RAD54L2: variants seen among roughly 807,000 people sequenced by gnomAD.
RAD54L2 encodes RAD54 like 2, also known as helicase ARIP4.
Under a neutral mutation model 138.4 loss-of-function variants are expected in RAD54L2, and 27 were observed. The ratio of observed to expected loss-of-function variants is 0.20; its 90% confidence interval spans 0.14 to 0.27. The LOEUF (loss-of-function observed/expected upper bound fraction) is 0.27, where lower values mean the gene tolerates loss of function less well. Among genes scored for constraint, RAD54L2 ranks in the 10% least tolerant of loss-of-function variants. RAD54L2 has a pLI of 1.00. For synonymous variants in RAD54L2, 644 were observed against 723.2 expected, an observed-to-expected ratio of 0.89 and a Z score of 1.76; for missense variants, 1,396 against 1,890.2, an observed-to-expected ratio of 0.74 and a Z score of 4.85.
chr3:51,572,500 C>T (rs1272683895), intron 2 of RAD54L2, among the ~76,000 whole-genome samples: 1 of 150,548 alleles, frequency 6.6e-6, no homozygotes, highest in Non-Finnish European at 1.5e-5. Flanking sequence ...CGCCTGTAAT[C>T]CCAGCTACTT....
chr3:51,634,091 T>C, intron 9 of RAD54L2, 56 bp downstream of exon 9: 1 of 1,579,566 alleles, frequency 6.3e-7, no homozygotes, highest in East Asian at 2.2e-5. Context: ...CTGTCCGTGA[T>C]CTGATGTTAA....
At chr3:51,597,145 A>G (rs2106725772) in intron 3 of RAD54L2, among the ~76,000 whole-genome samples, 1 of 148,798 alleles carries the variant, frequency 6.7e-6, no homozygotes, top group South Asian at 2.2e-4. Context: ...AGCCTGGGGG[A>G]CAAGAGCAAG....
chr3:51,567,941 CAAAAAAAAAAA>C (rs763939768), intron 2 of RAD54L2, among the ~76,000 whole-genome samples: 1 of 81,684 alleles, frequency 1.2e-5, no homozygotes, highest in Non-Finnish European at 2.6e-5. Context: ...GACCCTGTCT[CAAAAAAAAAAA>C]AAAAAAAAAG....
chr3:51,573,281 C>T (rs1019872918), intron 2 of RAD54L2, among the ~76,000 whole-genome samples: 2 of 152,054 alleles, frequency 1.3e-5, no homozygotes, highest in Non-Finnish European at 2.9e-5. Flanking sequence ...GTTCTAGTTC[C>T]TGCTGTGCTC....
chr3:51,566,472 T>G (rs1228088319), intron 2 of RAD54L2, among the ~76,000 whole-genome samples: 1 of 127,670 alleles, frequency 7.8e-6, no homozygotes, highest in Non-Finnish European at 1.7e-5. Context: ...CTGCGTTTTT[T>G]TTTTTTTTTT....
At chr3:51,551,486 A>G (rs1698836243) in intron 2 of RAD54L2, among the ~76,000 whole-genome samples, 1 of 151,056 alleles carries the variant, frequency 6.6e-6, no homozygotes, top group Non-Finnish European at 1.5e-5. Context: ...TCCAGGCTAT[A>G]GTGCAGTGGC....
Position 51,638,542 on chromosome 3 carries a change from C to T in RAD54L2, c.1860+221C>T, listed in dbSNP as rs529018603. 6.1e-6 allele frequency: 3 copies of T among 493,426 alleles called. No individual in the cohort carries two copies. Among genetic ancestry groups the T allele is most frequent in the African/African-American group, 3.8e-5 (2 of 52,516 alleles). The allele number at this position is 493,426 out of a possible 1,614,324, so 30.6% of individuals were successfully genotyped here. A position where few individuals can be genotyped will look rare whatever the true frequency, so the allele number is the denominator to read the frequency against. ...TTCACACAGTGTAATATAACTGATG[C>T]CCCCTGCAGTGTGCAACTCAGCTGC... On this transcript the variant is annotated intron_variant, in intron 12 of 22. Coordinates refer to ENST00000684192, the MANE Select transcript of RAD54L2 (RefSeq NM_015106.4). This position sits in a 1 kb window ranked among gnomAD's most constrained non-coding sequence, Gnocchi z 4.3.
intron 2 of RAD54L2, among the ~76,000 whole-genome samples, chr3:51,565,828 A>C (rs879266550): frequency 0.082 from 7,455 of 91,212 alleles, no homozygotes; most frequent in Non-Finnish European, 0.091. Flanking sequence ...GAGCTCCCCC[A>C]CCCCCCCCTT....
intron 2 of RAD54L2, among the ~76,000 whole-genome samples, chr3:51,587,591 G>GT (rs1436922248): frequency 2.6e-5 from 4 of 152,052 alleles, no homozygotes; most frequent in Non-Finnish European, 4.4e-5. Context: ...TTTCACAGCT[G>GT]TTTTTTACTT....
chr3:51,585,398 T>C (rs1699688515), intron 2 of RAD54L2, among the ~76,000 whole-genome samples: 1 of 152,154 alleles, frequency 6.6e-6, no homozygotes, highest in Non-Finnish European at 1.5e-5. Flanking sequence ...GCAGCGTGTG[T>C]GCTCGGAGTC....
At chr3:51,627,789 G>C (rs925406183) in intron 4 of RAD54L2, 35 bp downstream of exon 4, 1 of 1,606,344 alleles carries the variant, frequency 6.2e-7, no homozygotes, top group Non-Finnish European at 8.5e-7. Context: ...AGAGGGAAAG[G>C]AATAGAGATT....
chr3:51,648,995 C>G (rs1444427514), intron 19 of RAD54L2, among the ~76,000 whole-genome samples: 1 of 152,054 alleles, frequency 6.6e-6, no homozygotes, highest in East Asian at 1.9e-4. Flanking sequence ...TCAGTGGTAA[C>G]AAACTTCTCC....
chr3:51,614,468 G>A (rs1477448956), intron 3 of RAD54L2, among the ~76,000 whole-genome samples: 1 of 151,906 alleles, frequency 6.6e-6, no homozygotes, highest in Non-Finnish European at 1.5e-5. Context: ...ACCTGGCTTA[G>A]GTTGTTTCTT....
In RAD54L2 at chr3:51,601,077, GAGATAC is replaced by G. The variant is rs1168044346; in HGVS notation, c.139+10524_139+10529del. 8.5e-5 allele frequency among the ~76,000 whole-genome samples: 13 copies of G among 152,292 alleles called. No individual in the cohort carries two copies. The East Asian group carries it at 2.5e-3, about 29-fold the overall frequency. On this transcript the variant is annotated intron_variant, in intron 3 of 22. Coordinates refer to ENST00000684192, the MANE Select transcript of RAD54L2 (RefSeq NM_015106.4). ...ACAAGGTTCTCACTGTGGGGCAGAGGAGATACAGATATGGAATAGAAGAACTGAAAT... is the reference window on the plus strand; with the variant it reads ...ACAAGGTTCTCACTGTGGGGCAGAGGAGATATGGAATAGAAGAACTGAAAT...
chr3:51,649,885 C>G (rs1035400170), intron 19 of RAD54L2, among the ~76,000 whole-genome samples: 1 of 152,142 alleles, frequency 6.6e-6, no homozygotes, highest in African/African-American at 2.4e-5. Context: ...AACTAACGAG[C>G]AAAATAACCA....
chr3:51,588,930 C>G (rs1428152908), intron 2 of RAD54L2, among the ~76,000 whole-genome samples: 5 of 152,134 alleles, frequency 3.3e-5, no homozygotes, highest in Non-Finnish European at 7.3e-5. Context: ...TTTACGGCTT[C>G]CTTCCTTCCT....
chr3:51,640,685 G>A (rs1193351564), intron 14 of RAD54L2, among the ~76,000 whole-genome samples: 1 of 152,218 alleles, frequency 6.6e-6, no homozygotes, highest in Admixed American at 6.5e-5. Context: ...AGAGCCTAGT[G>A]TTGATTTTAT....
chr3:51,543,533 A>G (rs1289141790), intron 2 of RAD54L2, among the ~76,000 whole-genome samples: 2 of 149,410 alleles, frequency 1.3e-5, no homozygotes, highest in Non-Finnish European at 3.0e-5. Context: ...GCTTGAACCT[A>G]GGAGGCGGAG....
chr3:51,652,055 A>G (rs188514513), intron 19 of RAD54L2, among the ~76,000 whole-genome samples: 34 of 152,350 alleles, frequency 2.2e-4, no homozygotes, highest in Middle Eastern at 3.4e-3. Flanking sequence ...CTCAGCCCAA[A>G]ATCTCCTTAA....
Sources: allele counts gnomAD v4.1 joint callset (sites outside exome capture counted in the v4.1 genomes callset), GRCh38; gene constraint gnomAD v4.1.1; non-coding constraint Gnocchi (gnomAD v3.1); transcripts MANE v1.5; gene names NCBI Gene and HGNC (gene_info 2026-07-23, HGNC 2026-07-21).